Variants in NPLOC4 observed in about 807,000 individuals in gnomAD.
NPLOC4 encodes nuclear protein localization protein 4 homolog.
A neutral mutation model predicts 80.6 loss-of-function variants in NPLOC4; 18 were observed. That is an observed-to-expected ratio of 0.22 (90% confidence interval 0.15 to 0.33). NPLOC4 has a LOEUF of 0.33. Among genes scored for constraint, NPLOC4 ranks in the 10% least tolerant of loss-of-function variants. The pLI is 1.00. For missense variants in NPLOC4, 540 were observed against 786.1 expected (o/e 0.69, Z 3.74); for synonymous variants, 313 against 301.5 (o/e 1.04, Z -0.39).
chr17:81,559,169 G>C lies in NPLOC4; in HGVS notation c.*90C>G. 1 of 1,393,812 alleles carries C rather than the reference G, an allele frequency of 7.2e-7. No homozygotes were observed. Among genetic ancestry groups the C allele is most frequent in the African/African-American group, 1.4e-5 (1 of 69,608 alleles). The allele number at this position is 1,393,812 out of a possible 1,614,324, so 86.3% of individuals were successfully genotyped here. On this transcript the variant is annotated 3_prime_UTR_variant, in exon 17 of 17. Coordinates refer to ENST00000331134, the MANE Select transcript of NPLOC4 (RefSeq NM_017921.4). ...TTGTTCCTCCAGGGCTGCCCACTAT[G>C]GGGCAGTTACAGGGAACACACTCAG...
Position 81,601,946 on chromosome 17 carries a change from T to A in NPLOC4, c.835-1519A>T, listed in dbSNP as rs1179284635. Among the ~76,000 whole-genome samples, 25 of 152,134 alleles carry A rather than the reference T, an allele frequency of 1.6e-4. 1 individual carries two copies. Among genetic ancestry groups the A allele is most frequent in the Non-Finnish European group, 1.5e-5 (1 of 68,030 alleles). ...CAGCTGCAGGGCACCCCAGCCTGCC[T>A]CCCAGGCAGGTTATCTAAATAGGAG... is the stretch of plus-strand genomic sequence containing the variant. On this transcript the variant is annotated intron_variant, in intron 8 of 16. Coordinates refer to ENST00000331134, the MANE Select transcript of NPLOC4 (RefSeq NM_017921.4).
Position 81,610,192 on chromosome 17 carries a change from C to T in NPLOC4, c.435+18G>A. 1 of 1,566,026 alleles carries T rather than the reference C, an allele frequency of 6.4e-7. No individual in the cohort carries two copies. Among genetic ancestry groups the T allele is most frequent in the African/African-American group, 1.4e-5 (1 of 73,748 alleles). ...GCCCCCCACACTGGCCCAGAACTTA[C>T]TCCGCAGAGACTCTCACCTCTAGAG... On this transcript the variant is annotated intron_variant, in intron 5 of 16. Coordinates refer to ENST00000331134, the MANE Select transcript of NPLOC4 (RefSeq NM_017921.4).
rs552038388 is a variant in NPLOC4, at chr17:81,610,390, A to G, written c.387-132T>C. On this transcript the variant is annotated intron_variant, in intron 4 of 16. Transcript: ENST00000331134. ...CGTGGAGTTATATTCCAGATGGCAC[A>G]TGGATAAACATTTATATTTTAATTG... The G allele has an allele frequency of 7.1e-6, 5 of 702,362 alleles. No homozygotes were observed. The Admixed American group carries it at 1.0e-4, about 14-fold the overall frequency. The allele number at this position is 702,362 out of a possible 1,614,324, so 43.5% of individuals were successfully genotyped here.
At chr17:81,596,322 A>G in intron 10 of NPLOC4, 80 bp from the exon 11 acceptor site, 1 of 1,494,768 alleles carries the variant, frequency 6.7e-7, no homozygotes, top group Non-Finnish European at 9.1e-7. Context: ...AAAAATAAGA[A>G]CTAAGCCAGG....
At chr17:81,588,539 A>G (rs9900215) in intron 12 of NPLOC4, among the ~76,000 whole-genome samples, 116,465 of 152,116 alleles carry the variant, frequency 0.77, 45,512 homozygotes, top group Middle Eastern at 0.83. Flanking sequence ...GTAGAGACAC[A>G]GTCTCGCTAT....
intron 2 of NPLOC4, 97 bp from the exon 3 acceptor site, chr17:81,622,375 A>C: frequency 1.1e-6 from 1 of 911,376 alleles, no homozygotes; most frequent in Non-Finnish European, 1.7e-6. Flanking sequence ...TATTCACCAA[A>C]TTTGGAAAGT....
rs142623583 is a variant in NPLOC4 at position 81,581,981 on chromosome 17, A to T, written c.1281+6963T>A. Among the ~76,000 whole-genome samples the T allele has an allele frequency of 3.5e-3, 537 of 152,308 alleles. 1 individual carries two copies. The highest frequency in any genetic ancestry group is 8.0e-3 in the Admixed American group (123 of 15,304). ...TCTGGGACGTGCTGACAGCAGAGAC[A>T]TGCTTCCATGGTGGACCCACCACAC... On this transcript the variant is annotated intron_variant, in intron 12 of 16. Transcript: ENST00000331134.
chr17:81,608,915 A>G, intron 5 of NPLOC4, 93 bp from the exon 6 acceptor site: 1 of 959,802 alleles, frequency 1.0e-6, no homozygotes, highest in Admixed American at 2.1e-5. Flanking sequence ...GGCCAGCAGC[A>G]TGGCCTTGGC....
chr17:81,577,255 G>A lies in NPLOC4; in HGVS notation c.1282-5167C>T, dbSNP rs1351953783. Among the ~76,000 whole-genome samples the A allele has an allele frequency of 1.3e-5, 2 of 151,866 alleles. No individual in the cohort carries two copies. The highest frequency in any genetic ancestry group is 2.4e-5 in the African/African-American group (1 of 41,286). ...CCCACCCCATCACTGTGTAGTCCTCGCCAGACTGCCTGTCCGCACAGCTCT... is the reference window on the plus strand; with the variant it reads ...CCCACCCCATCACTGTGTAGTCCTCACCAGACTGCCTGTCCGCACAGCTCT... On this transcript the variant is annotated intron_variant, in intron 12 of 16. Coordinates refer to ENST00000331134, the MANE Select transcript of NPLOC4 (RefSeq NM_017921.4). This position sits in a 1 kb window ranked among gnomAD's most constrained non-coding sequence, Gnocchi z 4.3.
At chr17:81,571,714 T>C (rs2144058447) in intron 13 of NPLOC4, among the ~76,000 whole-genome samples, 1 of 152,350 alleles carries the variant, frequency 6.6e-6, no homozygotes, top group East Asian at 1.9e-4. Context: ...AGAGGCTGCC[T>C]AGCCTGGGGT....
intron 12 of NPLOC4, among the ~76,000 whole-genome samples, chr17:81,578,739 A>C (rs894650068): frequency 1.3e-5 from 2 of 152,148 alleles, no homozygotes; most frequent in African/African-American, 4.8e-5. Flanking sequence ...CCCATGATTC[A>C]ATTATCTCCA....
chr17:81,629,091 G>C (rs1310526417), intron 2 of NPLOC4, among the ~76,000 whole-genome samples: 2 of 151,682 alleles, frequency 1.3e-5, no homozygotes, highest in African/African-American at 2.4e-5. Flanking sequence ...TGTTAGCCAG[G>C]ATGGTCTCAA....
At chr17:81,599,088 AGAC>A (rs2034997277) in intron 9 of NPLOC4, among the ~76,000 whole-genome samples, 1 of 152,236 alleles carries the variant, frequency 6.6e-6, no homozygotes, top group Non-Finnish European at 1.5e-5. Context: ...CGAGAGTTCA[AGAC>A]CAGCCTGGCC....
At chr17:81,633,039 A>C (rs1194855731) in intron 1 of NPLOC4, among the ~76,000 whole-genome samples, 2 of 151,248 alleles carry the variant, frequency 1.3e-5, no homozygotes, top group African/African-American at 4.9e-5. Flanking sequence ...CTGAGGTAGG[A>C]GAATGGCGTG....
intron 12 of NPLOC4, chr17:81,588,325 A>T (rs959364512): frequency 4.6e-5 from 7 of 152,238 alleles, no homozygotes; most frequent in African/African-American, 1.7e-4. Context: ...GCAGGATTCT[A>T]AAAAAGGTCC....
chr17:81,614,275 C>CAAGAAAA (rs2035420377), intron 3 of NPLOC4: 1 of 60,168 alleles, frequency 1.7e-5, no homozygotes, highest in Non-Finnish European at 2.9e-5. Context: ...GGCTCCATCT[C>CAAGAAAA]AAAAAAAAAA....
At chr17:81,604,891 G>A (rs960010474) in intron 7 of NPLOC4, among the ~76,000 whole-genome samples, 164 bp from the exon 8 acceptor site, 1 of 152,136 alleles carries the variant, frequency 6.6e-6, no homozygotes, top group African/African-American at 2.4e-5. Context: ...TCAGGAGGCC[G>A]AGGCTAGAGG....
intron 7 of NPLOC4, among the ~76,000 whole-genome samples, chr17:81,605,633 G>A (rs1251774045): frequency 6.7e-6 from 1 of 149,972 alleles, no homozygotes; most frequent in Non-Finnish European, 1.5e-5. Context: ...GGGCTACGGA[G>A]TGAGACTCTG....
chr17:81,596,636 T>C (rs2034914762), intron 10 of NPLOC4, among the ~76,000 whole-genome samples: 1 of 151,858 alleles, frequency 6.6e-6, no homozygotes, highest in Non-Finnish European at 1.5e-5. Context: ...GTATCTACAA[T>C]TCCTAACCAT....
Sources: gnomAD v4.1 joint callset for allele counts (sites outside exome capture counted in the v4.1 genomes callset) on GRCh38, gnomAD v4.1.1 for gene constraint, Gnocchi (gnomAD v3.1) non-coding constraint, MANE v1.5 for transcripts, NCBI Gene and HGNC (gene_info 2026-07-23, HGNC 2026-07-21) for gene names.